The following DEPDC5 variants were observed in gnomAD, a reference collection of about 807,000 sequenced individuals.
DEPDC5 encodes the protein GATOR1 complex protein DEPDC5.
Under a neutral mutation model 217.3 loss-of-function variants are expected in DEPDC5, and 73 were observed. That is an observed-to-expected ratio of 0.34 (90% confidence interval 0.28 to 0.41). The LOEUF (loss-of-function observed/expected upper bound fraction) is 0.41, where lower values mean the gene tolerates loss of function less well. Ranked by LOEUF, DEPDC5 falls within the 10% of genes least tolerant of loss-of-function variation. The pLI is 1.00. For synonymous variants in DEPDC5, 733 were observed against 756.7 expected (o/e 0.97, Z 0.51); for missense variants, 1,675 against 2,070.1 (o/e 0.81, Z 3.70).
intron 7 of DEPDC5, among the ~76,000 whole-genome samples, chr22:31,772,450 C>G (rs1224800565): frequency 1.3e-5 from 2 of 152,060 alleles, no homozygotes; most frequent in East Asian, 1.9e-4. Context: ...ATTAGTGGTT[C>G]GAGTGATGTT....
chr22:31,774,106 AATAT>A (rs1003422727), intron 7 of DEPDC5, among the ~76,000 whole-genome samples: 1 of 152,030 alleles, frequency 6.6e-6, no homozygotes, highest in Non-Finnish European at 1.5e-5. Flanking sequence ...AACAACAAAA[AATAT>A]ATATATAGTA....
At chr22:31,842,378 C>T (rs540235148) in intron 27 of DEPDC5, among the ~76,000 whole-genome samples, 283 of 152,198 alleles carry the variant, frequency 1.9e-3, no homozygotes, top group African/African-American at 6.7e-3. Context: ...GAGTTCAAGA[C>T]CAGCCTGACC....
intron 4 of DEPDC5, among the ~76,000 whole-genome samples, chr22:31,762,604 A>G (rs1293162676): frequency 1.3e-5 from 2 of 152,112 alleles, no homozygotes; most frequent in Non-Finnish European, 2.9e-5. Flanking sequence ...TCTCTACTAA[A>G]AATATAAAAT....
intron 24 of DEPDC5, among the ~76,000 whole-genome samples, chr22:31,828,393 A>T (rs186134299): frequency 1.4e-5 from 2 of 146,196 alleles, no homozygotes; most frequent in African/African-American, 5.1e-5. Flanking sequence ...CGGAGGTTGC[A>T]GTGAGCCAAG....
chr22:31,804,056 T>G, intron 15 of DEPDC5, 106 bp from the exon 16 acceptor site: 1 of 997,724 alleles, frequency 1.0e-6, no homozygotes. Flanking sequence ...CATACAATGG[T>G]AAGTTAGCTT....
intron 39 of DEPDC5, among the ~76,000 whole-genome samples, chr22:31,896,815 C>G (rs943026768): frequency 6.6e-6 from 1 of 152,112 alleles, no homozygotes; most frequent in Non-Finnish European, 1.5e-5. Context: ...ATACTTTGAA[C>G]TTATTAAATT....
At chr22:31,869,107 G>A (rs1332954780) in intron 33 of DEPDC5, among the ~76,000 whole-genome samples, 2 of 152,082 alleles carry the variant, frequency 1.3e-5, no homozygotes, top group Non-Finnish European at 2.9e-5. Context: ...GTATGGTGGC[G>A]CATGCCTGTA....
Position 31,809,729 on chromosome 22 carries a change from C to T in DEPDC5, c.1324+82C>T, listed in dbSNP as rs2088025245. ...GTGCAGTGGCTCACGCCTATAATCC[C>T]AGCACTTTGGGAGGCCAAGGTTGGT... On this transcript the variant is annotated intron_variant, in intron 19 of 42. Coordinates refer to ENST00000651528, the MANE Select transcript of DEPDC5 (RefSeq NM_001242896.3). 3.3e-6 allele frequency: 5 copies of T among 1,501,702 alleles called. No homozygotes were observed. In the Admixed American group the frequency reaches 6.9e-5, roughly 21 times the overall value. 93.0% of individuals were successfully genotyped at this position (1,501,702 alleles called of 1,614,324 possible).
Position 31,893,766 on chromosome 22 carries a change from G to A in DEPDC5, c.4203+15G>A, listed in dbSNP as rs757186139. 1 of 1,584,370 alleles carries A rather than the reference G, an allele frequency of 6.3e-7. No individual in the cohort carries two copies. The highest frequency in any genetic ancestry group is 1.8e-5 in the Admixed American group (1 of 55,098). On this transcript the variant is annotated intron_variant, in intron 39 of 42. Transcript: ENST00000651528. The stretch of plus-strand genomic sequence containing the variant: ...TCTTCGAGATGGTGAGAACCTTCAT[G>A]CATGTTGTCAGGCCTTTGGCTCACC...
chr22:31,788,585 T>A (rs576030388), intron 10 of DEPDC5, among the ~76,000 whole-genome samples: 40 of 149,554 alleles, frequency 2.7e-4, no homozygotes, highest in African/African-American at 8.9e-4. Context: ...GCCCATATTT[T>A]TTTTTGAGAC....
intron 38 of DEPDC5, among the ~76,000 whole-genome samples, chr22:31,887,069 C>G (rs1187353639): frequency 7.2e-6 from 1 of 139,378 alleles, no homozygotes; most frequent in Non-Finnish European, 1.5e-5. Flanking sequence ...GACGACAGGG[C>G]GAGATTCCAT....
chr22:31,871,014 G>A (rs2092827009), intron 34 of DEPDC5, among the ~76,000 whole-genome samples: 1 of 152,238 alleles, frequency 6.6e-6, no homozygotes, highest in Admixed American at 6.5e-5. Context: ...CCGGAAGGGG[G>A]CTCTGTCCAG....
At chr22:31,884,703 A>G (rs939167945) in intron 38 of DEPDC5, among the ~76,000 whole-genome samples, 3 of 152,076 alleles carry the variant, frequency 2.0e-5, no homozygotes, top group African/African-American at 4.8e-5. Context: ...GTCACTGCCA[A>G]ATTTCTATCT....
intron 40 of DEPDC5, among the ~76,000 whole-genome samples, chr22:31,901,314 G>T (rs2149417239): frequency 6.6e-6 from 1 of 152,188 alleles, no homozygotes; most frequent in East Asian, 1.9e-4. Context: ...GGGAGATTAA[G>T]GTAGGAGGAT....
At chr22:31,852,270 C>G (rs1250499573) in intron 31 of DEPDC5, among the ~76,000 whole-genome samples, 2 of 152,048 alleles carry the variant, frequency 1.3e-5, no homozygotes, top group East Asian at 1.9e-4. Flanking sequence ...CAGTGAGAAT[C>G]ATCTCATGGC....
In DEPDC5 at chr22:31,873,196, C is replaced by T. The variant is rs553987989; in HGVS notation, c.3486-59C>T. On this transcript the variant is annotated intron_variant, in intron 34 of 42. Transcript: ENST00000651528. ...GGAAGTGGAGACTGTTCCTAATATT[C>T]GTGCTCTTGACTGCATACGTGCCAT... 5.6e-6 allele frequency: 9 copies of T among 1,612,616 alleles called. No individual in the cohort carries two copies. In the African/African-American group the frequency reaches 8.0e-5, roughly 14 times the overall value.
At position 31,836,952 on chromosome 22, in the gene DEPDC5, C is replaced by T. The variant is rs1203577288; in HGVS notation, c.2171-20C>T. 41 of 1,422,170 alleles carry T rather than the reference C, an allele frequency of 2.9e-5. No individual in the cohort carries two copies. The highest frequency in any genetic ancestry group is 3.7e-5 in the Non-Finnish European group (39 of 1,059,230). The allele number at this position is 1,422,170 out of a possible 1,614,324, so 88.1% of individuals were successfully genotyped here. ...GCCATGGTGACCACATGTACCTTTT[C>T]CCCCTGTTACGTGAGGCAGTTCTGA... is the stretch of plus-strand genomic sequence containing the variant. On this transcript the variant is annotated intron_variant, in intron 25 of 42. Coordinates refer to ENST00000651528, the MANE Select transcript of DEPDC5 (RefSeq NM_001242896.3).
rs200639727 is a variant in DEPDC5, at chr22:31,784,860, A to G, written c.609A>G (p.Leu203=). ...CTGTGAATGGTTTCCTTGCTGATCT[A>G]TTTACCAAGTGGAAGGTACATTTCT... is the stretch of plus-strand genomic sequence containing the variant. ...EKAVNGFLAD[L]FTKWKEKNCS... Residue 203 remains leucine, a synonymous_variant, in exon 10 of 43, where the codon CTA becomes CTG. Transcript: ENST00000651528. 8.2e-5 allele frequency: 133 copies of G among 1,613,000 alleles called. No homozygotes were observed. Among genetic ancestry groups the G allele is most frequent in the Non-Finnish European group, 9.9e-5 (117 of 1,179,712 alleles).
chr22:31,820,949 A>G (rs1461347018), intron 22 of DEPDC5, among the ~76,000 whole-genome samples: 1 of 152,148 alleles, frequency 6.6e-6, no homozygotes, highest in East Asian at 1.9e-4. Flanking sequence ...GTATCATTTC[A>G]TCTACCCAGA....
Sources: gnomAD v4.1 joint callset for allele counts (sites outside exome capture counted in the v4.1 genomes callset) on GRCh38, gnomAD v4.1.1 for gene constraint, MANE v1.5 for transcripts, NCBI Gene and HGNC (gene_info 2026-07-23, HGNC 2026-07-21) for gene names.